UNC79: variants seen among roughly 807,000 people sequenced by gnomAD.
The protein encoded by UNC79 is protein unc-79 homolog.
In UNC79, 37 loss-of-function variants were observed where a neutral mutation model predicts 283.1. That is an observed-to-expected ratio of 0.13 (90% confidence interval 0.10 to 0.17). The LOEUF is 0.17. Ranked by LOEUF, UNC79 falls within the 10% of genes least tolerant of loss-of-function variation. The pLI is 1.00. For missense variants in UNC79, 2,272 were observed against 3,211.1 expected (o/e 0.71, Z 7.07); for synonymous variants, 1,107 against 1,200.2 (o/e 0.92, Z 1.61).
At chr14:93,632,227 G>A (rs1303421367) in intron 31 of UNC79, among the ~76,000 whole-genome samples, 1 of 152,212 alleles carries the variant, frequency 6.6e-6, no homozygotes, top group East Asian at 1.9e-4. Flanking sequence ...CTAAGAAATA[G>A]TTTCCAAATG....
chr14:93,537,355 G>A (rs1172884897), intron 11 of UNC79, among the ~76,000 whole-genome samples: 3 of 152,204 alleles, frequency 2.0e-5, no homozygotes, highest in Non-Finnish European at 2.9e-5. Context: ...CTGACTCTAC[G>A]AAGGGTTCTG....
chr14:93,588,601 C>T (rs1159244578), intron 22 of UNC79, among the ~76,000 whole-genome samples: 7 of 151,588 alleles, frequency 4.6e-5, no homozygotes, highest in South Asian at 4.2e-4. Context: ...ATTAGCTGGG[C>T]GTGGTGGTGG....
At chr14:93,524,084 G>A in intron 8 of UNC79, 42 bp downstream of exon 8, 1 of 1,605,926 alleles carries the variant, frequency 6.2e-7, no homozygotes, top group Non-Finnish European at 8.5e-7. Flanking sequence ...TATTGTCAGT[G>A]GTCAAATTGC....
chr14:93,356,271 C>G (rs2054084873), intron 1 of UNC79, among the ~76,000 whole-genome samples: 1 of 152,192 alleles, frequency 6.6e-6, no homozygotes, highest in Non-Finnish European at 1.5e-5. Context: ...GATCCACCGG[C>G]CTTGGCCTCC....
At chr14:93,516,095 A>G (rs983483087) in intron 7 of UNC79, among the ~76,000 whole-genome samples, 1 of 152,078 alleles carries the variant, frequency 6.6e-6, no homozygotes, top group African/African-American at 2.4e-5. Context: ...TGAAAAGAGT[A>G]TCTTTTCCGT....
chr14:93,367,092 A>C (rs933891828), intron 1 of UNC79, among the ~76,000 whole-genome samples: 1 of 152,166 alleles, frequency 6.6e-6, no homozygotes, highest in Admixed American at 6.5e-5. Context: ...ATTTGAAGAC[A>C]TTGTAAATCC....
At chr14:93,475,396 C>G (rs926590663) in intron 3 of UNC79, among the ~76,000 whole-genome samples, 1 of 152,020 alleles carries the variant, frequency 6.6e-6, no homozygotes, top group Non-Finnish European at 1.5e-5. Flanking sequence ...TTATTTAGTA[C>G]AACGTGTTCA....
intron 1 of UNC79, among the ~76,000 whole-genome samples, chr14:93,445,801 A>T (rs2140148917): frequency 6.6e-6 from 1 of 152,292 alleles, no homozygotes; most frequent in East Asian, 1.9e-4. Flanking sequence ...TAAAGATTTC[A>T]CAATTTTTGT....
intron 32 of UNC79, among the ~76,000 whole-genome samples, chr14:93,638,148 G>T (rs1343020056): frequency 6.6e-6 from 1 of 152,164 alleles, no homozygotes; most frequent in Non-Finnish European, 1.5e-5. Context: ...AGAATACCCA[G>T]AAAGAATTAT....
chr14:93,614,814 C>T (rs942254470), intron 27 of UNC79, among the ~76,000 whole-genome samples: 1 of 152,076 alleles, frequency 6.6e-6, no homozygotes, highest in Non-Finnish European at 1.5e-5. Flanking sequence ...TCATCCATTC[C>T]CCTAGTTATG....
chr14:93,410,543 A>C (rs2102232), intron 1 of UNC79, among the ~76,000 whole-genome samples: 79,496 of 151,986 alleles, frequency 0.52, 21,555 homozygotes, highest in Admixed American at 0.65. Flanking sequence ...ATGGCTTCAA[A>C]AGAGGTCCCT....
chr14:93,586,135 C>T (rs2064209205), intron 20 of UNC79, among the ~76,000 whole-genome samples: 1 of 152,192 alleles, frequency 6.6e-6, no homozygotes, highest in South Asian at 2.1e-4. Flanking sequence ...CCCGCCTTGG[C>T]CTCCCAAAGT....
chr14:93,540,751 C>G, exon 13 of UNC79: 1 of 1,613,760 alleles, frequency 6.2e-7, no homozygotes, highest in Middle Eastern at 1.7e-4. Flanking sequence ...CCACCATTCC[C>G]TGGATAATGC....
At chr14:93,347,246 G>T in intron 1 of UNC79, 1 of 1,587,528 alleles carries the variant, frequency 6.3e-7, no homozygotes, top group South Asian at 1.1e-5. Flanking sequence ...GTCCACGCCT[G>T]GCTTTGTCTC....
chr14:93,435,465 A>G (rs954517635), intron 1 of UNC79, among the ~76,000 whole-genome samples: 2 of 152,092 alleles, frequency 1.3e-5, no homozygotes, highest in African/African-American at 4.8e-5. Flanking sequence ...ACTCTTTTTT[A>G]AAATCCCACA....
exon 12 of UNC79, chr14:93,538,112 G>A: frequency 2.5e-6 from 4 of 1,614,180 alleles, no homozygotes; most frequent in Non-Finnish European, 3.4e-6. Context: ...CAGTAATGAA[G>A]TGGGGGCCGC....
chr14:93,574,961 TC>T, intron 16 of UNC79, 96 bp from the exon 17 acceptor site: 1 of 1,300,356 alleles, frequency 7.7e-7, no homozygotes, highest in Non-Finnish European at 1.1e-6. Flanking sequence ...ATCCTTATGT[TC>T]AATAATTTGC....
At chr14:93,505,954 A>G (rs1233958822) in intron 7 of UNC79, among the ~76,000 whole-genome samples, 4 of 151,596 alleles carry the variant, frequency 2.6e-5, no homozygotes, top group Non-Finnish European at 5.9e-5. Context: ...CTTCCATGCT[A>G]TACTTTATTT....
At chr14:93,437,957 A>G in intron 1 of UNC79, among the ~76,000 whole-genome samples, 1 of 152,194 alleles carries the variant, frequency 6.6e-6, no homozygotes, top group South Asian at 2.1e-4. Flanking sequence ...TAAGACTTGA[A>G]CATATCTTTT....
Sources: gnomAD v4.1 joint callset for allele counts (sites outside exome capture counted in the v4.1 genomes callset) on GRCh38, gnomAD v4.1.1 for gene constraint, MANE v1.5 for transcripts, NCBI Gene and HGNC (gene_info 2026-07-23, HGNC 2026-07-21) for gene names.